The following RALGAPA1 variants were observed in gnomAD, a reference collection of about 807,000 sequenced individuals.
RALGAPA1 encodes Ral GTPase activating protein catalytic subunit alpha 1, also known as ral GTPase-activating protein subunit alpha-1.
In RALGAPA1, 52 loss-of-function variants were observed where a neutral mutation model predicts 269.6. The ratio of observed to expected loss-of-function variants is 0.19; its 90% CI spans 0.15 to 0.24. The LOEUF (loss-of-function observed/expected upper bound fraction) is 0.24. RALGAPA1 is among the 10% of genes least tolerant of loss of function. RALGAPA1 has a pLI of 1.00. For missense variants in RALGAPA1, 1,917 were observed against 3,013.9 expected (o/e 0.64, Z 8.52); for synonymous variants, 817 against 1,008.3 (o/e 0.81, Z 3.60).
At chr14:35,550,226 C>T (rs2139114253) in intron 39 of RALGAPA1, among the ~76,000 whole-genome samples, 1 of 152,318 alleles carries the variant, frequency 6.6e-6, no homozygotes, top group South Asian at 2.1e-4. Flanking sequence ...AACTCACATG[C>T]TGACTTCATG....
At chr14:35,668,387 G>A (rs1285507188) in intron 26 of RALGAPA1, among the ~76,000 whole-genome samples, 1 of 151,880 alleles carries the variant, frequency 6.6e-6, no homozygotes, top group African/African-American at 2.4e-5. Context: ...GGAGGCTGAG[G>A]CAAAAGAATC....
chr14:35,798,221 G>A (rs1238780324), intron 1 of RALGAPA1, among the ~76,000 whole-genome samples: 1 of 150,094 alleles, frequency 6.7e-6, no homozygotes, highest in Non-Finnish European at 1.5e-5. Flanking sequence ...GCCCAGGCTA[G>A]TGTGCAGGGG....
intron 26 of RALGAPA1, 30 bp from the exon 27 acceptor site, chr14:35,664,797 A>AC: frequency 1.2e-6 from 2 of 1,600,044 alleles, no homozygotes; most frequent in Non-Finnish European, 1.7e-6. Flanking sequence ...AAAGTTTAAA[A>AC]ATATATTGGT....
chr14:35,719,516 A>C (rs1196889345), intron 16 of RALGAPA1, among the ~76,000 whole-genome samples: 1 of 152,150 alleles, frequency 6.6e-6, no homozygotes, highest in Non-Finnish European at 1.5e-5. Context: ...TGAGCTATGA[A>C]GTCAGCATGA....
chr14:35,754,902 C>G (rs922118609), intron 7 of RALGAPA1, among the ~76,000 whole-genome samples: 1 of 151,986 alleles, frequency 6.6e-6, no homozygotes, highest in Admixed American at 6.6e-5. Flanking sequence ...TCAAAATAAT[C>G]AAACAGAAAA....
chr14:35,608,839 G>A (rs955608831), intron 35 of RALGAPA1, among the ~76,000 whole-genome samples: 1 of 151,982 alleles, frequency 6.6e-6, no homozygotes, highest in African/African-American at 2.4e-5. Context: ...TATGACAACC[G>A]GACCTACCTG....
In RALGAPA1 at chr14:35,760,812, C is replaced by A; in HGVS notation, c.547+17G>T. 1 of 1,597,884 alleles carries A rather than the reference C, an allele frequency of 6.3e-7. No individual in the cohort carries two copies. Among genetic ancestry groups the A allele is most frequent in the Non-Finnish European group, 8.6e-7 (1 of 1,168,272 alleles). On this transcript the variant is annotated intron_variant, in intron 6 of 41. Transcript: ENST00000680220. ...AGAGCTTAAACCTACTGACGGATAA[C>A]ATCCCATGAATCTTACTTTCTTGAA...
chr14:35,709,936 T>C (rs957257444), intron 16 of RALGAPA1, among the ~76,000 whole-genome samples: 2 of 152,214 alleles, frequency 1.3e-5, no homozygotes, highest in African/African-American at 2.4e-5. Flanking sequence ...GTTTAAGGCA[T>C]GTTTTATGAC....
intron 23 of RALGAPA1, 87 bp downstream of exon 23, chr14:35,674,429 A>G (rs2064766967): frequency 3.8e-6 from 5 of 1,303,266 alleles, no homozygotes; most frequent in East Asian, 2.5e-5. Flanking sequence ...ATAGTCAAAA[A>G]GGGTGTCACA....
intron 16 of RALGAPA1, among the ~76,000 whole-genome samples, chr14:35,708,445 T>C (rs1436003451): frequency 1.3e-5 from 2 of 151,922 alleles, no homozygotes; most frequent in African/African-American, 4.8e-5. Flanking sequence ...GGACAAAAGA[T>C]CGATAGACAT....
intron 21 of RALGAPA1, among the ~76,000 whole-genome samples, chr14:35,679,964 T>C (rs1302283554): frequency 3.3e-5 from 5 of 152,280 alleles, no homozygotes; most frequent in South Asian, 2.1e-4. Context: ...TAAATTCATA[T>C]GGCACAAAAA....
At chr14:35,682,401 T>C (rs945257568) in intron 21 of RALGAPA1, among the ~76,000 whole-genome samples, 2 of 151,700 alleles carry the variant, frequency 1.3e-5, no homozygotes, top group Non-Finnish European at 2.9e-5. Flanking sequence ...CCCGGGTTCA[T>C]GCCATTCTCC....
intron 39 of RALGAPA1, among the ~76,000 whole-genome samples, chr14:35,559,539 T>A (rs571040514): frequency 1.3e-5 from 2 of 152,120 alleles, no homozygotes; most frequent in Non-Finnish European, 2.9e-5. Flanking sequence ...GAGAAGTTGA[T>A]AAAGATAGAA....
intron 39 of RALGAPA1, 61 bp from the exon 40 acceptor site, chr14:35,549,295 C>A: frequency 2.6e-6 from 4 of 1,532,188 alleles, no homozygotes; most frequent in Non-Finnish European, 3.6e-6. Flanking sequence ...AAAATCTTAT[C>A]AAAAAGGACT....
At chr14:35,696,791 T>C (rs755035028) in intron 17 of RALGAPA1, among the ~76,000 whole-genome samples, 2 of 152,186 alleles carry the variant, frequency 1.3e-5, no homozygotes, top group Admixed American at 6.5e-5. Flanking sequence ...ATTTCAGAGA[T>C]AGACTCAGGA....
intron 11 of RALGAPA1, among the ~76,000 whole-genome samples, chr14:35,739,737 A>G (rs1292242030): frequency 6.6e-6 from 1 of 152,108 alleles, no homozygotes; most frequent in Admixed American, 6.6e-5. Flanking sequence ...CCGCTGTCCT[A>G]GATCAGGTAC....
At chr14:35,797,468 A>C (rs1212369783) in intron 1 of RALGAPA1, among the ~76,000 whole-genome samples, 1 of 152,172 alleles carries the variant, frequency 6.6e-6, no homozygotes, top group Non-Finnish European at 1.5e-5. Flanking sequence ...GCATATAAAC[A>C]TACAGCTAGT....
At chr14:35,698,897 G>A (rs1194664713) in intron 17 of RALGAPA1, among the ~76,000 whole-genome samples, 1 of 152,136 alleles carries the variant, frequency 6.6e-6, no homozygotes, top group Non-Finnish European at 1.5e-5. Flanking sequence ...TTTATTTGTA[G>A]CTAAGCATCA....
intron 22 of RALGAPA1, chr14:35,677,182 A>T (rs1180316254): frequency 6.6e-6 from 1 of 152,304 alleles, no homozygotes; most frequent in Non-Finnish European, 1.5e-5. Flanking sequence ...AGTTAGTTTT[A>T]AAATAAACGG....
Sources: gnomAD v4.1 joint callset for allele counts (sites outside exome capture counted in the v4.1 genomes callset) on GRCh38, gnomAD v4.1.1 for gene constraint, MANE v1.5 for transcripts, NCBI Gene and HGNC (gene_info 2026-07-23, HGNC 2026-07-21) for gene names.